Variants in SHANK2 observed in about 807,000 individuals in gnomAD.
SHANK2 encodes SH3 and multiple ankyrin repeat domains protein 2.
A neutral mutation model predicts 133.7 loss-of-function variants in SHANK2; 43 were observed. The observed-to-expected ratio is 0.32, with a 90% CI of 0.25 to 0.41. The LOEUF is 0.41. SHANK2 is among the 10% of genes least tolerant of loss of function. SHANK2 has a pLI of 1.00. For synonymous variants in SHANK2, 1,017 were observed against 952.8 expected (o/e 1.07, Z -1.24); for missense variants, 1,994 against 2,235.8 (o/e 0.89, Z 2.18).
chr11:70,648,667 A>C (rs2061300917), intron 17 of SHANK2, among the ~76,000 whole-genome samples: 1 of 152,140 alleles, frequency 6.6e-6, no homozygotes, highest in Non-Finnish European at 1.5e-5. Context: ...CTTCCAGGGA[A>C]GGGCTGGCTT....
At chr11:70,625,780 G>A (rs1217192796) in intron 17 of SHANK2, among the ~76,000 whole-genome samples, 1 of 119,844 alleles carries the variant, frequency 8.3e-6, no homozygotes, top group Admixed American at 1.1e-4. Flanking sequence ...GGAAATCTCA[G>A]TGCAGCCTCT....
intron 14 of SHANK2, among the ~76,000 whole-genome samples, chr11:70,761,036 G>T (rs1271425645): frequency 6.6e-6 from 1 of 152,158 alleles, no homozygotes; most frequent in Non-Finnish European, 1.5e-5. Context: ...GGTGGGAGAG[G>T]CCCCACTGGG....
chr11:71,241,284 C>G (rs1224015403), intron 1 of SHANK2, among the ~76,000 whole-genome samples: 3 of 152,160 alleles, frequency 2.0e-5, no homozygotes, highest in African/African-American at 7.2e-5. Flanking sequence ...GTTAACCATT[C>G]CATAGAATGT....
chr11:70,596,603 C>T (rs556090565), intron 17 of SHANK2, among the ~76,000 whole-genome samples: 1 of 152,340 alleles, frequency 6.6e-6, no homozygotes, highest in African/African-American at 2.4e-5. Flanking sequence ...GGGCGGCAGG[C>T]CCAGCAGGGC....
intron 14 of SHANK2, among the ~76,000 whole-genome samples, chr11:70,773,188 C>A (rs1042965459): frequency 1.3e-5 from 2 of 152,204 alleles, no homozygotes; most frequent in African/African-American, 4.8e-5. Flanking sequence ...GCCAGTGCAC[C>A]GCTCAAGAAC....
At chr11:70,654,030 C>A (rs2061373306) in intron 17 of SHANK2, 2 of 152,246 alleles carry the variant, frequency 1.3e-5, no homozygotes, top group African/African-American at 2.4e-5. Flanking sequence ...AAGATCCACG[C>A]CCTCTCTCGT....
rs187650970 is a variant in SHANK2 at position 70,645,019 on chromosome 11, C to T, written c.2061+14809G>A. Among the ~76,000 whole-genome samples, 14 of 152,166 alleles carry T rather than the reference C, an allele frequency of 9.2e-5. No individual in the cohort carries two copies. In the East Asian group the frequency reaches 2.1e-3, roughly 23 times the overall value. On this transcript the variant is annotated intron_variant, in intron 17 of 25. Transcript: ENST00000601538. ...GGCAGATCACCTGAGTTCAGGAGTTCGAGACGAGCCTGGCCAACATGGTGA... is the reference window on the plus strand; with the variant it reads ...GGCAGATCACCTGAGTTCAGGAGTTTGAGACGAGCCTGGCCAACATGGTGA...
intron 9 of SHANK2, among the ~76,000 whole-genome samples, chr11:71,068,038 C>T (rs1328790480): frequency 2.0e-5 from 3 of 151,988 alleles, no homozygotes; most frequent in African/African-American, 4.8e-5. Flanking sequence ...TCGCCACCAT[C>T]GCCATCACAA....
At chr11:70,639,712 AG>A (rs2061151809) in intron 17 of SHANK2, among the ~76,000 whole-genome samples, 1 of 152,138 alleles carries the variant, frequency 6.6e-6, no homozygotes, top group Non-Finnish European at 1.5e-5. Flanking sequence ...TGCAGGAAGG[AG>A]GGTGGCCTGA....
intron 17 of SHANK2, among the ~76,000 whole-genome samples, chr11:70,556,375 CTCTG>C (rs1391110432): frequency 7.3e-6 from 1 of 137,480 alleles, no homozygotes; most frequent in Non-Finnish European, 1.6e-5. Context: ...TTTATTTTCT[CTCTG>C]TCTCTTTCTT....
intron 2 of SHANK2, among the ~76,000 whole-genome samples, chr11:71,172,892 G>T (rs781893555): frequency 6.6e-6 from 1 of 152,238 alleles, no homozygotes; most frequent in African/African-American, 2.4e-5. Context: ...ATGTGAGAAC[G>T]TGATCAAAAA....
At chr11:70,584,819 C>G (rs1232367303) in intron 17 of SHANK2, among the ~76,000 whole-genome samples, 1 of 152,228 alleles carries the variant, frequency 6.6e-6, no homozygotes, top group Non-Finnish European at 1.5e-5. Context: ...ATAAAACCTA[C>G]ATTTTAAAAC....
At chr11:70,849,668 T>C (rs1252403158) in intron 11 of SHANK2, among the ~76,000 whole-genome samples, 3 of 152,198 alleles carry the variant, frequency 2.0e-5, no homozygotes, top group Non-Finnish European at 1.5e-5. Flanking sequence ...TGAATTTTCT[T>C]ATGAGGGCAT....
rs572966103 is a variant in SHANK2, at chr11:70,641,845, G to A, written c.2061+17983C>T. Among the ~76,000 whole-genome samples, 5 of 152,320 alleles carry A rather than the reference G, an allele frequency of 3.3e-5. No individual in the cohort carries two copies. The East Asian group carries it at 9.7e-4, about 29-fold the overall frequency. ...GGGTGCAGTTCTACAAAGCACACCC[G>A]AGATCCCTGGGCTGTGGGCAGTCCA... On this transcript the variant is annotated intron_variant, in intron 17 of 25. Transcript: ENST00000601538.
intron 11 of SHANK2, among the ~76,000 whole-genome samples, chr11:70,890,214 T>C (rs1218924006): frequency 2.0e-5 from 3 of 152,130 alleles, no homozygotes; most frequent in African/African-American, 7.2e-5. Flanking sequence ...AATGAAGACT[T>C]GTCACCAGGC....
At position 70,569,084 on chromosome 11, in the gene SHANK2, G is replaced by A. The variant is rs942966919; in HGVS notation, c.2062-66153C>T. 2.0e-5 allele frequency among the ~76,000 whole-genome samples: 3 copies of A among 152,208 alleles called. No individual in the cohort carries two copies. Among genetic ancestry groups the A allele is most frequent in the African/African-American group, 7.2e-5 (3 of 41,456 alleles). Reference sequence around the variant, plus strand: ...TCCTGCCGCTGGACTTACAGTGAACGGAGCCAGGAAAGCGAATCTGCCTTG... The same window carrying A: ...TCCTGCCGCTGGACTTACAGTGAACAGAGCCAGGAAAGCGAATCTGCCTTG... On this transcript the variant is annotated intron_variant, in intron 17 of 25. Coordinates refer to ENST00000601538, the MANE Select transcript of SHANK2 (RefSeq NM_012309.5). This position sits in a 1 kb window ranked among gnomAD's most constrained non-coding sequence, Gnocchi z 5.1.
intron 11 of SHANK2, among the ~76,000 whole-genome samples, chr11:70,857,810 G>A: frequency 6.6e-6 from 1 of 152,206 alleles, no homozygotes; most frequent in South Asian, 2.1e-4. Flanking sequence ...AAAAATGGTG[G>A]TAACAGCAGA....
intron 17 of SHANK2, among the ~76,000 whole-genome samples, chr11:70,600,527 A>T (rs1027444847): frequency 6.6e-6 from 1 of 151,978 alleles, no homozygotes; most frequent in Non-Finnish European, 1.5e-5. Context: ...ATAATCCTGA[A>T]GAGATAAAAG....
At chr11:70,761,226 C>T (rs1946989711) in intron 14 of SHANK2, among the ~76,000 whole-genome samples, 1 of 152,090 alleles carries the variant, frequency 6.6e-6, no homozygotes, top group Non-Finnish European at 1.5e-5. Flanking sequence ...GAGATAAGGT[C>T]ATGATGGTGG....
Sources: allele counts gnomAD v4.1 joint callset (sites outside exome capture counted in the v4.1 genomes callset), GRCh38; gene constraint gnomAD v4.1.1; non-coding constraint Gnocchi (gnomAD v3.1); transcripts MANE v1.5; gene names NCBI Gene and HGNC (gene_info 2026-07-23, HGNC 2026-07-21).